UTRN: variants seen among roughly 807,000 people sequenced by gnomAD.
UTRN encodes dystrophin-related protein 1.
In UTRN, 283 loss-of-function variants were observed where a neutral mutation model predicts 463.9. That is an observed-to-expected ratio of 0.61 (90% CI 0.55 to 0.67). The LOEUF (loss-of-function observed/expected upper bound fraction) is 0.67, where lower values mean the gene tolerates loss of function less well. Among genes scored for constraint, UTRN ranks in the 30% least tolerant of loss-of-function variants. The pLI is 0.00. For synonymous variants in UTRN, 1,442 were observed against 1,431.5 expected, an observed-to-expected ratio of 1.01 and a Z score of -0.17; for missense variants, 3,922 against 4,084.3, an observed-to-expected ratio of 0.96 and a Z score of 1.08.
chr6:144,589,134 G>C (rs1289892306), intron 51 of UTRN, among the ~76,000 whole-genome samples: 1 of 152,082 alleles, frequency 6.6e-6, no homozygotes, highest in Non-Finnish European at 1.5e-5. Context: ...CAAGAATTTT[G>C]GAAAAACATC....
At chr6:144,369,086 A>G (rs766211975) in intron 2 of UTRN, among the ~76,000 whole-genome samples, 5 of 152,264 alleles carry the variant, frequency 3.3e-5, no homozygotes, top group Non-Finnish European at 4.4e-5. Context: ...GCCTGTGCTC[A>G]AATTCACATA....
intron 3 of UTRN, among the ~76,000 whole-genome samples, chr6:144,420,279 A>G: frequency 6.6e-6 from 1 of 152,230 alleles, no homozygotes; most frequent in East Asian, 1.9e-4. Flanking sequence ...TACAACATTT[A>G]TTAAATATTA....
At chr6:144,581,998 G>T (rs1802011542) in intron 51 of UTRN, among the ~76,000 whole-genome samples, 1 of 152,172 alleles carries the variant, frequency 6.6e-6, no homozygotes, top group Non-Finnish European at 1.5e-5. Flanking sequence ...CTCACCAGAG[G>T]GAGGCAGTGT....
rs1030362564 is a variant in UTRN at position 144,645,405 on chromosome 6, T to G, written c.7480-33001T>G. 1.8e-4 allele frequency among the ~76,000 whole-genome samples: 28 copies of G among 152,248 alleles called. 1 individual carries two copies. The highest frequency in any genetic ancestry group is 1.8e-3 in the Admixed American group (27 of 15,290). ...GTTTTGAAGATGTCTTTAAATTCAC[T>G]GGCTTCAAAGATAACTTCTGCATTA... On this transcript the variant is annotated intron_variant, in intron 51 of 74. Coordinates refer to ENST00000367545, the MANE Select transcript of UTRN (RefSeq NM_007124.3).
At chr6:144,789,869 T>C (rs1776613361) in intron 62 of UTRN, among the ~76,000 whole-genome samples, 1 of 152,202 alleles carries the variant, frequency 6.6e-6, no homozygotes, top group Admixed American at 6.5e-5. Flanking sequence ...TCAACAGTGT[T>C]CCTTTACCTG....
At position 144,447,777 on chromosome 6, in the gene UTRN, A is replaced by G; in HGVS notation, c.1898A>G (p.Asn633Ser). The change falls in exon 16 of 75, where the codon AAC becomes AGC. Residue 633 changes from asparagine (N) to serine (S), a missense_variant. Transcript: ENST00000367545. ...GTTCAGAGACTAGAAGATTCCTCCAACCAGGTACTTTTTGATTTGGATCAT... is the reference window on the plus strand; with the variant it reads ...GTTCAGAGACTAGAAGATTCCTCCAGCCAGGTACTTTTTGATTTGGATCAT... ...SLVQRLEDSS[N>S]QVTQAVAKLG... 4.4e-6 allele frequency: 7 copies of G among 1,606,948 alleles called. No individual in the cohort carries two copies. Among genetic ancestry groups the G allele is most frequent in the South Asian group, 1.1e-5 (1 of 89,556 alleles).
chr6:144,588,275 T>C (rs186186257), intron 51 of UTRN, among the ~76,000 whole-genome samples: 2 of 152,302 alleles, frequency 1.3e-5, no homozygotes, highest in South Asian at 2.1e-4. Context: ...CAAGTTGATA[T>C]GTGTTGTCAA....
chr6:144,620,755 T>C (rs552919245), intron 51 of UTRN, among the ~76,000 whole-genome samples: 2 of 152,262 alleles, frequency 1.3e-5, no homozygotes, highest in East Asian at 1.9e-4. Context: ...CTTGGTGATA[T>C]TACTATGAGA....
intron 39 of UTRN, among the ~76,000 whole-genome samples, chr6:144,518,181 A>T (rs971788414): frequency 1.3e-5 from 2 of 152,192 alleles, no homozygotes; most frequent in Non-Finnish European, 2.9e-5. Flanking sequence ...TATCCCATGG[A>T]CATATTCTTA....
intron 66 of UTRN, among the ~76,000 whole-genome samples, chr6:144,822,034 G>A (rs1438762533): frequency 1.3e-5 from 2 of 152,036 alleles, no homozygotes; most frequent in African/African-American, 2.4e-5. Context: ...TATAAAAAAT[G>A]TCAAGTGCAA....
In UTRN at chr6:144,335,260, T is replaced by C. The variant is rs185902693; in HGVS notation, c.79+43353T>C. Among the ~76,000 whole-genome samples the C allele has an allele frequency of 3.6e-3, 552 of 152,364 alleles. 2 individuals carry two copies. Among genetic ancestry groups the C allele is most frequent in the African/African-American group, 0.013 (524 of 41,578 alleles). On this transcript the variant is annotated intron_variant, in intron 2 of 74. Coordinates refer to ENST00000367545, the MANE Select transcript of UTRN (RefSeq NM_007124.3). ...AACTCAGGAATGGCTTGTTGACCAC[T>C]GTCCTGGAATAAGAGAGCCCAGCTT... is the stretch of plus-strand genomic sequence containing the variant.
intron 2 of UTRN, among the ~76,000 whole-genome samples, chr6:144,339,652 A>G (rs575889609): frequency 6.6e-6 from 1 of 152,204 alleles, no homozygotes; most frequent in African/African-American, 2.4e-5. Context: ...ATCAGGGAAC[A>G]GTATCATTCA....
chr6:144,695,178 A>G (rs915547802), intron 52 of UTRN, among the ~76,000 whole-genome samples: 1 of 152,174 alleles, frequency 6.6e-6, no homozygotes, highest in Non-Finnish European at 1.5e-5. Flanking sequence ...TGCTAAGATC[A>G]TAATAACAGC....
chr6:144,363,519 CAGTT>C (rs1452235722), intron 2 of UTRN, among the ~76,000 whole-genome samples: 2 of 152,186 alleles, frequency 1.3e-5, no homozygotes, highest in Non-Finnish European at 2.9e-5. Context: ...GGTCCCAACT[CAGTT>C]GGTAGGAATT....
intron 51 of UTRN, among the ~76,000 whole-genome samples, chr6:144,591,540 A>G (rs1803074328): frequency 6.6e-6 from 1 of 152,212 alleles, no homozygotes; most frequent in South Asian, 2.1e-4. Flanking sequence ...CATATTAAAA[A>G]GAATCCTATT....
intron 53 of UTRN, among the ~76,000 whole-genome samples, chr6:144,711,871 C>A (rs1004697611): frequency 6.6e-6 from 1 of 152,094 alleles, no homozygotes; most frequent in East Asian, 2.0e-4. Context: ...TGGCCTTAAG[C>A]TGAATTGCCA....
intron 48 of UTRN, among the ~76,000 whole-genome samples, chr6:144,551,531 A>C (rs1388155258): frequency 6.6e-6 from 1 of 152,246 alleles, no homozygotes; most frequent in Non-Finnish European, 1.5e-5. Flanking sequence ...TGCTTATGTG[A>C]CTGGCATTAA....
At chr6:144,603,690 G>A (rs969945790) in intron 51 of UTRN, among the ~76,000 whole-genome samples, 25 of 152,106 alleles carry the variant, frequency 1.6e-4, no homozygotes, top group African/African-American at 2.9e-4. Flanking sequence ...AGTCTTTATC[G>A]TAAAAACTTT....
chr6:144,436,153 T>A lies in UTRN; in HGVS notation c.1059+15T>A. On this transcript the variant is annotated intron_variant, in intron 10 of 74. Transcript: ENST00000367545. ...CAACCCATGAAGTAAATATCTGTAGTTTCTTAGCAGGGTGTGTCCCCCACG... is the reference window on the plus strand; with the variant it reads ...CAACCCATGAAGTAAATATCTGTAGATTCTTAGCAGGGTGTGTCCCCCACG... 1.2e-6 allele frequency: 2 copies of A among 1,608,372 alleles called. No homozygotes were observed. Among genetic ancestry groups the A allele is most frequent in the Non-Finnish European group, 1.7e-6 (2 of 1,177,894 alleles).
Sources: gnomAD v4.1 joint callset for allele counts (sites outside exome capture counted in the v4.1 genomes callset) on GRCh38, gnomAD v4.1.1 for gene constraint, MANE v1.5 for transcripts, NCBI Gene and HGNC (gene_info 2026-07-23, HGNC 2026-07-21) for gene names.